Variants in CARHSP1 observed in about 807,000 individuals in gnomAD.
CARHSP1 encodes the protein calcium regulated heat stable protein 1.
Under a neutral mutation model 12.5 loss-of-function variants are expected in CARHSP1, and 14 were observed. The observed-to-expected ratio is 1.12, with a 90% CI of 0.74 to 1.75. The LOEUF is 1.75. CARHSP1 is among the 40% of genes most tolerant of loss of function. The pLI, the probability that CARHSP1 is intolerant of heterozygous loss-of-function variation, is 0.00. For synonymous variants in CARHSP1, 161 were observed against 82.0 expected (o/e 1.96, Z -5.20); for missense variants, 343 against 201.6 (o/e 1.70, Z -4.25).
chr16:8,856,704 ATG>A (rs2061123669), intron 3 of CARHSP1, among the ~76,000 whole-genome samples: 1 of 152,136 alleles, frequency 6.6e-6, no homozygotes, highest in Non-Finnish European at 1.5e-5. Context: ...GTTAGCGGGT[ATG>A]CTGTGCAGAG....
chr16:8,866,720 G>A (rs1452156290), intron 1 of CARHSP1, among the ~76,000 whole-genome samples: 35 of 149,144 alleles, frequency 2.3e-4, no homozygotes, highest in Non-Finnish European at 4.9e-4. Context: ...GACACGAAGG[G>A]ATGGGGGTTG....
intron 1 of CARHSP1, among the ~76,000 whole-genome samples, chr16:8,859,562 A>C (rs1239345000): frequency 6.6e-6 from 1 of 151,724 alleles, no homozygotes; most frequent in African/African-American, 2.4e-5. Context: ...TGAAAATGCC[A>C]CATCCTCCCC....
At chr16:8,859,116 G>C in intron 2 of CARHSP1, 55 bp downstream of exon 2, 1 of 1,479,468 alleles carries the variant, frequency 6.8e-7, no homozygotes, top group Non-Finnish European at 9.1e-7. Context: ...GTGAATCTCT[G>C]GCCTCAGGCA....
intron 1 of CARHSP1, chr16:8,861,800 A>T: frequency 1.6e-6 from 2 of 1,220,428 alleles, no homozygotes; most frequent in African/African-American, 3.2e-5. Context: ...CAGGTCATAG[A>T]GTCCTAGAAT....
intron 1 of CARHSP1, 79 bp downstream of exon 1, chr16:8,868,887 G>T (rs1413566363): frequency 1.3e-5 from 2 of 152,060 alleles, no homozygotes; most frequent in African/African-American, 4.8e-5. Context: ...GGCAGAGGAG[G>T]CCGAGGCCCC....
At chr16:8,859,807 G>A (rs1026024091) in intron 1 of CARHSP1, 1 of 153,302 alleles carries the variant, frequency 6.5e-6, no homozygotes, top group African/African-American at 2.4e-5. Context: ...GGGAAACCCA[G>A]TCTCTAATAC....
At chr16:8,864,552 G>A (rs979162982) in intron 1 of CARHSP1, among the ~76,000 whole-genome samples, 1 of 152,200 alleles carries the variant, frequency 6.6e-6, no homozygotes, top group Non-Finnish European at 1.5e-5. Context: ...AGGGTCGCCC[G>A]GCTAACAAAG....
rs2061156103 is a variant in CARHSP1 at position 8,857,272 on chromosome 16, T to TTTTTGTTTTTTG, written c.281+1077_281+1078insCAAAAAACAAAA. On this transcript the variant is annotated intron_variant, in intron 3 of 3. Coordinates refer to ENST00000311052, the MANE Select transcript of CARHSP1 (RefSeq NM_014316.4). The stretch of plus-strand genomic sequence containing the variant: ...GATCTTGGGCAGATCTGTTTTTTTT[T>TTTTTGTTTTTTG]TTTTTTTTTTTTTTTTTTTTTTTTT... Among the ~76,000 whole-genome samples, 3 of 29,336 alleles carry TTTTTGTTTTTTG rather than the reference T, an allele frequency of 1.0e-4. 1 individual carries two copies. Among genetic ancestry groups the TTTTTGTTTTTTG allele is most frequent in the Admixed American group, 8.8e-4 (2 of 2,262 alleles). 19.2% of individuals were successfully genotyped at this position (29,336 alleles called of 152,430 possible).
chr16:8,865,293 A>G (rs2061436562), intron 1 of CARHSP1, among the ~76,000 whole-genome samples: 1 of 152,086 alleles, frequency 6.6e-6, no homozygotes, highest in Non-Finnish European at 1.5e-5. Context: ...TATTTTTAGT[A>G]GAGACGGGGT....
At chr16:8,857,965 C>G (rs1351717236) in intron 3 of CARHSP1, 1 of 180,454 alleles carries the variant, frequency 5.5e-6, no homozygotes, top group East Asian at 1.5e-4. Context: ...CGGGATTTCA[C>G]CATTAGCCAG....
chr16:8,866,474 C>T (rs921350961), intron 1 of CARHSP1: 4 of 985,408 alleles, frequency 4.1e-6, no homozygotes, highest in Non-Finnish European at 4.8e-6. Context: ...CTGAGCTGAC[C>T]CATCCCAGTC....
At chr16:8,855,407 C>G in intron 3 of CARHSP1, 81 bp from the exon 4 acceptor site, 44 of 1,280,384 alleles carry the variant, frequency 3.4e-5, no homozygotes, top group Non-Finnish European at 4.5e-5. Flanking sequence ...CCCTTCTGGT[C>G]ACACAGCCAC....
intron 3 of CARHSP1, among the ~76,000 whole-genome samples, chr16:8,855,845 CAG>C (rs1398721917): frequency 3.9e-5 from 6 of 152,146 alleles, no homozygotes; most frequent in African/African-American, 4.8e-5. Context: ...TTTTTTGAGA[CAG>C]AGTCTTGTTC....
chr16:8,861,814 C>G, intron 1 of CARHSP1: 6 of 1,203,634 alleles, frequency 5.0e-6, no homozygotes, highest in Non-Finnish European at 6.3e-6. Context: ...CTAGAATGTT[C>G]AACGCCCAGA....
At chr16:8,857,999 G>A (rs1014210078) in intron 3 of CARHSP1, 5 of 229,552 alleles carry the variant, frequency 2.2e-5, no homozygotes, top group East Asian at 2.1e-4. Flanking sequence ...TCCTGACCTC[G>A]TGATCCACCC....
intron 3 of CARHSP1, 173 bp downstream of exon 3, chr16:8,858,177 A>T (rs979817872): frequency 1.9e-5 from 14 of 756,688 alleles, no homozygotes; most frequent in Non-Finnish European, 2.9e-5. Context: ...CACAACCCCA[A>T]CCCAACACAC....
intron 2 of CARHSP1, 126 bp from the exon 3 acceptor site, chr16:8,858,598 G>T: frequency 1.0e-5 from 12 of 1,166,118 alleles, no homozygotes; most frequent in Non-Finnish European, 1.3e-5. Flanking sequence ...CAGTCACACA[G>T]GCTGAGGACT....
intron 1 of CARHSP1, chr16:8,860,579 A>C (rs1425910828): frequency 1.1e-6 from 1 of 947,592 alleles, no homozygotes; most frequent in Non-Finnish European, 1.3e-6. Flanking sequence ...CGAATCTGCA[A>C]AGTGGGGCAG....
chr16:8,859,229 G>GA lies in CARHSP1; in HGVS notation c.99dup (p.Leu34SerfsTer50). 1.2e-6 allele frequency: 2 copies of GA among 1,602,638 alleles called. No individual in the cohort carries two copies. Among genetic ancestry groups the GA allele is most frequent in the Non-Finnish European group, 1.7e-6 (2 of 1,176,838 alleles). ...GGGCTTGGGACCACGTTGCCCCGCAGAGGGGATGGTGAGCGCTCACGGCTC... is the reference window on the plus strand; with the variant it reads ...GGGCTTGGGACCACGTTGCCCCGCAGAAGGGGATGGTGAGCGCTCACGGCTC... On this transcript the variant is annotated frameshift_variant, in exon 2 of 4. Transcript: ENST00000311052. LOFTEE classifies it high-confidence loss of function.
Sources: allele counts gnomAD v4.1 joint callset (sites outside exome capture counted in the v4.1 genomes callset), GRCh38; gene constraint gnomAD v4.1.1; transcripts MANE v1.5; gene names NCBI Gene and HGNC (gene_info 2026-07-23, HGNC 2026-07-21).